The following EPHA5 variants were observed in gnomAD, a reference collection of about 807,000 sequenced individuals.
EPHA5 encodes the protein EPH receptor A5.
A neutral mutation model predicts 105.0 loss-of-function variants in EPHA5; 60 were observed. The ratio of observed to expected loss-of-function variants is 0.57; its 90% CI spans 0.46 to 0.71. EPHA5 has a LOEUF of 0.71. EPHA5 is among the 30% of genes least tolerant of loss of function. The pLI is 0.00. For missense variants in EPHA5, 1,218 were observed against 1,274.7 expected, an observed-to-expected ratio of 0.96 and a Z score of 0.68; for synonymous variants, 513 against 449.1, an observed-to-expected ratio of 1.14 and a Z score of -1.80.
intron 8 of EPHA5, among the ~76,000 whole-genome samples, chr4:65,395,185 C>T (rs905028853): frequency 6.6e-5 from 10 of 152,172 alleles, no homozygotes; most frequent in Admixed American, 5.9e-4. Context: ...TTCAGACTAA[C>T]TGAAAAGTTA....
intron 11 of EPHA5, among the ~76,000 whole-genome samples, chr4:65,363,127 C>A (rs996063576): frequency 4.6e-5 from 7 of 151,250 alleles, no homozygotes; most frequent in African/African-American, 1.2e-4. Flanking sequence ...GAAGGCAGGG[C>A]AAAATATAAG....
intron 2 of EPHA5, among the ~76,000 whole-genome samples, chr4:65,604,913 A>C (rs966431882): frequency 6.6e-6 from 1 of 152,156 alleles, no homozygotes; most frequent in African/African-American, 2.4e-5. Context: ...TGACTTCATG[A>C]TTTAATAAAA....
At chr4:65,551,280 G>GTA (rs35570226) in intron 3 of EPHA5, among the ~76,000 whole-genome samples, 157 of 140,892 alleles carry the variant, frequency 1.1e-3, no homozygotes, top group African/African-American at 4.0e-3. Context: ...GTGTGTGTGT[G>GTA]TATATATATA....
chr4:65,338,064 A>G (rs1721351957), intron 14 of EPHA5, among the ~76,000 whole-genome samples: 1 of 152,100 alleles, frequency 6.6e-6, no homozygotes. Flanking sequence ...ATACATATTG[A>G]GAAATAAAAT....
intron 5 of EPHA5, among the ~76,000 whole-genome samples, chr4:65,475,637 AT>A (rs1370649289): frequency 6.6e-6 from 1 of 152,190 alleles, no homozygotes; most frequent in South Asian, 2.1e-4. Flanking sequence ...TACAATATGC[AT>A]TTTTAACAAA....
intron 7 of EPHA5, among the ~76,000 whole-genome samples, chr4:65,406,622 C>T (rs890848284): frequency 6.6e-6 from 1 of 152,058 alleles, no homozygotes; most frequent in African/African-American, 2.4e-5. Context: ...TTCTTTCTCC[C>T]TCTTTCTGAT....
chr4:65,419,439 G>T (rs188577979), intron 6 of EPHA5, among the ~76,000 whole-genome samples: 256 of 152,300 alleles, frequency 1.7e-3, no homozygotes, highest in African/African-American at 5.6e-3. Flanking sequence ...AATTGAGTAA[G>T]TAGCGTGGTT....
intron 8 of EPHA5, among the ~76,000 whole-genome samples, chr4:65,382,253 C>T (rs1405645433): frequency 6.6e-6 from 1 of 151,454 alleles, no homozygotes; most frequent in Non-Finnish European, 1.5e-5. Flanking sequence ...CAGAAAAAAA[C>T]TTGAGGTGAG....
At chr4:65,662,535 A>C (rs1749638024) in intron 1 of EPHA5, among the ~76,000 whole-genome samples, 1 of 152,158 alleles carries the variant, frequency 6.6e-6, no homozygotes, top group Non-Finnish European at 1.5e-5. Flanking sequence ...AGTGTTTGGC[A>C]TAACTCAACA....
intron 4 of EPHA5, among the ~76,000 whole-genome samples, chr4:65,494,029 A>G (rs1262704207): frequency 1.3e-5 from 2 of 152,214 alleles, no homozygotes; most frequent in Admixed American, 1.3e-4. Context: ...ACCAAAATTC[A>G]TCACATCCAA....
intron 2 of EPHA5, among the ~76,000 whole-genome samples, chr4:65,605,701 T>C (rs1007544747): frequency 6.6e-6 from 1 of 152,058 alleles, no homozygotes; most frequent in Non-Finnish European, 1.5e-5. Context: ...TAAGAAACTT[T>C]GGAGTAGACA....
chr4:65,440,119 A>G (rs1403822544), intron 5 of EPHA5, among the ~76,000 whole-genome samples: 2 of 152,094 alleles, frequency 1.3e-5, no homozygotes. Context: ...TTAAACCAAA[A>G]TAGACTTGTT....
At chr4:65,464,008 A>G (rs1483493983) in intron 5 of EPHA5, among the ~76,000 whole-genome samples, 1 of 151,910 alleles carries the variant, frequency 6.6e-6, no homozygotes, top group Non-Finnish European at 1.5e-5. Flanking sequence ...ACACTAAAAA[A>G]TAAATAAATA....
chr4:65,352,424 G>A (rs764869976), intron 12 of EPHA5, among the ~76,000 whole-genome samples: 7 of 151,950 alleles, frequency 4.6e-5, no homozygotes, highest in Admixed American at 6.6e-5. Flanking sequence ...ATGTTACATT[G>A]TCTAACACAA....
intron 3 of EPHA5, chr4:65,573,568 C>T: frequency 1.3e-6 from 2 of 1,598,302 alleles, no homozygotes; most frequent in Non-Finnish European, 1.7e-6. Context: ...GCTAAAAAGC[C>T]CAAGAAGGGG....
chr4:65,571,354 C>T (rs897921099), intron 3 of EPHA5, among the ~76,000 whole-genome samples: 3 of 150,816 alleles, frequency 2.0e-5, no homozygotes, highest in Admixed American at 1.3e-4. Context: ...AATTTACATT[C>T]CCTAAATGTC....
Position 65,344,100 on chromosome 4 carries a change from A to G in EPHA5, c.2595+3954T>C, listed in dbSNP as rs912145983. Among the ~76,000 whole-genome samples, 5 of 152,220 alleles carry G rather than the reference A, an allele frequency of 3.3e-5. No homozygotes were observed. The East Asian group carries it at 7.7e-4, about 23-fold the overall frequency. On this transcript the variant is annotated intron_variant, in intron 14 of 16. Coordinates refer to ENST00000613740, the MANE Select transcript of EPHA5 (RefSeq NM_001281766.3). Reference sequence around the variant, plus strand: ...TAGATAAATGAACTTTTATTCACTTATCTATGCAACTTTGTAGTGCCCATC... The same window carrying G: ...TAGATAAATGAACTTTTATTCACTTGTCTATGCAACTTTGTAGTGCCCATC...
intron 2 of EPHA5, among the ~76,000 whole-genome samples, chr4:65,623,683 G>C (rs748089518): frequency 1.2e-4 from 19 of 152,186 alleles, no homozygotes; most frequent in Non-Finnish European, 2.5e-4. Context: ...AAAAACGCTG[G>C]AGTCAGTGAC....
chr4:65,488,718 G>GA (rs374038203), intron 5 of EPHA5, among the ~76,000 whole-genome samples: 45 of 151,782 alleles, frequency 3.0e-4, no homozygotes, highest in Non-Finnish European at 4.4e-4. Flanking sequence ...TTTCTAATAG[G>GA]AAAAAAAATG....
Sources: allele counts gnomAD v4.1 joint callset (sites outside exome capture counted in the v4.1 genomes callset), GRCh38; gene constraint gnomAD v4.1.1; transcripts MANE v1.5; gene names NCBI Gene and HGNC (gene_info 2026-07-23, HGNC 2026-07-21).